The following TCF3 variants were observed in gnomAD, a reference collection of about 807,000 sequenced individuals.
TCF3 encodes the protein transcription factor E2-alpha.
TCF3 carries 54 observed loss-of-function variants against 72.3 expected under a neutral mutation model. The observed-to-expected ratio is 0.75, with a 90% CI of 0.60 to 0.94. TCF3 has a LOEUF of 0.94. Ranked by LOEUF, TCF3 falls within the 40% of genes least tolerant of loss-of-function variation. The probability of loss-of-function intolerance (pLI) is 0.00; values close to 1 mark genes in which losing one functional copy is unlikely to be tolerated. For missense variants in TCF3, 1,078 were observed against 934.4 expected (o/e 1.15, Z -2.00); for synonymous variants, 525 against 412.6 (o/e 1.27, Z -3.30).
At chr19:1,638,531 C>T (rs2064787901) in intron 3 of TCF3, among the ~76,000 whole-genome samples, 1 of 152,102 alleles carries the variant, frequency 6.6e-6, no homozygotes, top group South Asian at 2.1e-4. Flanking sequence ...GATCCGCTGG[C>T]CTCGGACAAT....
rs1409728149 is a variant in TCF3, at chr19:1,610,758, C to G, written c.*949G>C. ...GACGTCCCTTCCCCCAAGCCCAGGT[C>G]AGTCCCCTTCCTGAGGGGAGAGGAT... On this transcript the variant is annotated 3_prime_UTR_variant, in exon 19 of 19. Coordinates refer to ENST00000262965, the MANE Select transcript of TCF3 (RefSeq NM_003200.5). 2 of 232,124 alleles carry G rather than the reference C, an allele frequency of 8.6e-6. No individual in the cohort carries two copies. Among genetic ancestry groups the G allele is most frequent in the South Asian group, 1.8e-4 (1 of 5,528 alleles). The allele number at this position is 232,124 out of a possible 1,614,324, so 14.4% of individuals were successfully genotyped here. A position where few individuals can be genotyped will look rare whatever the true frequency, so the allele number is the denominator to read the frequency against.
intron 5 of TCF3, among the ~76,000 whole-genome samples, chr19:1,628,765 G>A (rs1276807084): frequency 8.4e-4 from 1 of 1,196 alleles, no homozygotes; most frequent in Middle Eastern, 0.5. Flanking sequence ...GGACAGCAGA[G>A]CTCACAGGGG....
intron 2 of TCF3, among the ~76,000 whole-genome samples, chr19:1,648,394 G>C (rs1461720488): frequency 6.6e-6 from 1 of 152,176 alleles, no homozygotes; most frequent in Non-Finnish European, 1.5e-5. Context: ...GCCGCTCCCA[G>C]CCTGTTTCCT....
chr19:1,611,939 G>GT (rs1480447146), intron 18 of TCF3, 90 bp from the exon 19 acceptor site: 5 of 224,268 alleles, frequency 2.2e-5, no homozygotes, highest in African/African-American at 1.4e-4. Context: ...TCGGGGGGGG[G>GT]GGTGGGGGCA....
intron 5 of TCF3, among the ~76,000 whole-genome samples, chr19:1,630,894 C>T (rs757153713): frequency 6.6e-6 from 1 of 152,222 alleles, no homozygotes; most frequent in Non-Finnish European, 1.5e-5. Flanking sequence ...AAGCTCGGGG[C>T]ATTTCCTGTG....
intron 8 of TCF3, among the ~76,000 whole-genome samples, chr19:1,623,367 T>C (rs988117158): frequency 1.3e-5 from 2 of 149,258 alleles, no homozygotes; most frequent in African/African-American, 4.9e-5. Context: ...GGAGCCCCAA[T>C]TGCGGCACCC....
At position 1,622,185 on chromosome 19, in the gene TCF3, G is replaced by A; in HGVS notation, c.691C>T (p.Pro231Ser). The change falls in exon 10 of 19, where the codon CCG (proline) becomes TCG (serine). Residue 231 changes from proline to serine, a missense_variant. By Grantham distance (74) the Pro-to-Ser change is moderately conservative. Coordinates refer to ENST00000262965, the MANE Select transcript of TCF3 (RefSeq NM_003200.5). The stretch of plus-strand genomic sequence containing the variant: ...ATGGGCCCGAAGCCCGCCTGGCCCG[G>A]GGGACTCCAGAGCTCGGCTGAGGGG... ...LHPSAELWSPPGQAGFGPMLG... is the reference protein window; with the variant it reads ...LHPSAELWSPSGQAGFGPMLG... 1 of 1,567,408 alleles carries A rather than the reference G, an allele frequency of 6.4e-7. No homozygotes were observed. Among genetic ancestry groups the A allele is most frequent in the Non-Finnish European group, 8.6e-7 (1 of 1,158,850 alleles).
At chr19:1,616,743 G>C (rs1355173526) in intron 16 of TCF3, 2 of 152,188 alleles carry the variant, frequency 1.3e-5, no homozygotes, top group Admixed American at 6.6e-5. Context: ...CTGCACTCTG[G>C]TGTGACAGGG....
intron 3 of TCF3, among the ~76,000 whole-genome samples, chr19:1,642,834 C>T (rs1183839626): frequency 1.3e-5 from 2 of 152,200 alleles, no homozygotes; most frequent in African/African-American, 4.8e-5. Flanking sequence ...CCCAGACACG[C>T]ACCCGGAGGA....
chr19:1,644,288 G>A (rs2065751283), intron 3 of TCF3, among the ~76,000 whole-genome samples: 1 of 152,196 alleles, frequency 6.6e-6, no homozygotes, highest in Non-Finnish European at 1.5e-5. Context: ...GCAGGGGCCT[G>A]GGGGAGTGGA....
At position 1,619,861 on chromosome 19, in the gene TCF3, G is replaced by T. The variant is rs2061975065; in HGVS notation, c.1094-8C>A. 1.9e-6 allele frequency: 3 copies of T among 1,574,696 alleles called. No homozygotes were observed. The African/African-American group carries it at 4.1e-5, about 21-fold the overall frequency. On this transcript the variant is annotated splice_polypyrimidine_tract_variant and splice_region_variant and intron_variant, in intron 13 of 18. Transcript: ENST00000262965. ...GAGGCCACTGTGACGTTCCTGGAAG[G>T]GAGTGGGGACGTGAATGGGGTGCGA...
chr19:1,638,551 A>T (rs1479272216), intron 3 of TCF3, among the ~76,000 whole-genome samples: 1 of 152,252 alleles, frequency 6.6e-6, no homozygotes, highest in Middle Eastern at 3.4e-3. Context: ...TGTTTTTTAA[A>T]AGTAGCAATT....
chr19:1,640,714 G>A (rs914385586), intron 3 of TCF3, among the ~76,000 whole-genome samples: 12 of 152,042 alleles, frequency 7.9e-5, no homozygotes, highest in African/African-American at 2.9e-4. Context: ...CTAGGCAGGA[G>A]AATGGCGTGA....
chr19:1,627,853 C>A (rs868722097), intron 5 of TCF3, among the ~76,000 whole-genome samples: 1 of 12,244 alleles, frequency 8.2e-5, no homozygotes, highest in East Asian at 2.8e-3. Context: ...GGGGGTGAGG[C>A]GGGAAGGGGA....
At chr19:1,636,207 T>C (rs1345343075) in intron 3 of TCF3, among the ~76,000 whole-genome samples, 6 of 152,208 alleles carry the variant, frequency 3.9e-5, no homozygotes, top group Non-Finnish European at 8.8e-5. Context: ...TTGCCCAGGC[T>C]GGAGTGCAGT....
chr19:1,642,029 A>G (rs1336699017), intron 3 of TCF3, among the ~76,000 whole-genome samples: 2 of 151,922 alleles, frequency 1.3e-5, no homozygotes, highest in African/African-American at 2.4e-5. Flanking sequence ...TGGACAACAG[A>G]GTGAGACCTG....
chr19:1,629,270 GGGGGCCCTGGCGGGGAGCCCC>G (rs1419160371), intron 5 of TCF3, among the ~76,000 whole-genome samples: 10 of 152,174 alleles, frequency 6.6e-5, no homozygotes, highest in African/African-American at 2.4e-4. Context: ...GGACAGGCCT[GGGGGCCCTGGCGGGGAGCCCC>G]GGGGCCTGTG....
rs376498623 is a variant in TCF3 at position 1,621,150 on chromosome 19, C to T, written c.997G>A (p.Gly333Ser). The T allele has an allele frequency of 3.9e-6, 6 of 1,541,014 alleles. No homozygotes were observed. Among genetic ancestry groups the T allele is most frequent in the East Asian group, 2.4e-5 (1 of 40,894 alleles). ...CGCCTCACCGAGGCCAGTGCTTTGC[C>T]GAGGGCATCCCCGGAGCTGCCAGCT... is the stretch of plus-strand genomic sequence containing the variant. The part of the protein sequence containing the change: ...TTAGSSGDAL[G>S]KALASIYSPD... Residue 333 changes from glycine to serine, a missense_variant, in exon 12 of 19, where the codon GGC becomes AGC. Gly to Ser is a moderately conservative substitution (Grantham distance 56, BLOSUM62 0). Transcript: ENST00000262965.
At chr19:1,622,764 C>T (rs1240100506) in intron 8 of TCF3, among the ~76,000 whole-genome samples, 1 of 152,192 alleles carries the variant, frequency 6.6e-6, no homozygotes, top group Non-Finnish European at 1.5e-5. Flanking sequence ...AACACCCCAT[C>T]CCATCCTTCT....
Sources: allele counts gnomAD v4.1 joint callset (sites outside exome capture counted in the v4.1 genomes callset), GRCh38; gene constraint gnomAD v4.1.1; transcripts MANE v1.5; gene names NCBI Gene and HGNC (gene_info 2026-07-23, HGNC 2026-07-21).